Variants in PHACTR1 observed in about 807,000 individuals in gnomAD.
The protein encoded by PHACTR1 is RPEL repeat containing 1.
Under a neutral mutation model 69.2 loss-of-function variants are expected in PHACTR1, and 16 were observed. The ratio of observed to expected loss-of-function variants is 0.23; its 90% confidence interval spans 0.16 to 0.35. The LOEUF (loss-of-function observed/expected upper bound fraction) is 0.35. PHACTR1 is among the 10% of genes least tolerant of loss of function. The pLI is 1.00. For synonymous variants in PHACTR1, 312 were observed against 284.5 expected (o/e 1.10, Z -0.97); for missense variants, 510 against 734.7 (o/e 0.69, Z 3.54).
chr6:13,278,341 T>C lies in PHACTR1; in HGVS notation c.1509+12T>C. 1 of 1,585,486 alleles carries C rather than the reference T, an allele frequency of 6.3e-7. No homozygotes were observed. Among genetic ancestry groups the C allele is most frequent in the Admixed American group, 1.8e-5 (1 of 55,450 alleles). ...GGCTAACCCGAAAGGTAGGTGGTTCTCCATGCCAAGAGCTGGGACAGGAGA... is the reference window on the plus strand; with the variant it reads ...GGCTAACCCGAAAGGTAGGTGGTTCCCCATGCCAAGAGCTGGGACAGGAGA... On this transcript the variant is annotated intron_variant, in intron 12 of 14. Coordinates refer to ENST00000332995, the MANE Select transcript of PHACTR1 (RefSeq NM_030948.6).
chr6:12,782,188 C>A (rs915758808), intron 4 of PHACTR1, among the ~76,000 whole-genome samples: 1 of 152,168 alleles, frequency 6.6e-6, no homozygotes, highest in African/African-American at 2.4e-5. Flanking sequence ...ATCAAGGCAT[C>A]TCATAGGTTT....
At chr6:12,907,417 T>G (rs930341931) in intron 4 of PHACTR1, among the ~76,000 whole-genome samples, 2 of 152,226 alleles carry the variant, frequency 1.3e-5, no homozygotes, top group Non-Finnish European at 2.9e-5. Flanking sequence ...TATGAATAGT[T>G]GCTAGTGTCT....
intron 4 of PHACTR1, among the ~76,000 whole-genome samples, chr6:12,795,048 T>C (rs1016513265): frequency 3.3e-5 from 5 of 152,306 alleles, no homozygotes; most frequent in Admixed American, 2.6e-4. Context: ...TCTGAGGATC[T>C]TGTTAAAATG....
At chr6:13,156,475 G>A (rs1254922998) in intron 5 of PHACTR1, among the ~76,000 whole-genome samples, 1 of 152,126 alleles carries the variant, frequency 6.6e-6, no homozygotes, top group Admixed American at 6.5e-5. Context: ...GCTTGGCATG[G>A]GCAACTTTGA....
chr6:12,802,885 G>C (rs1334103466), intron 4 of PHACTR1, among the ~76,000 whole-genome samples: 1 of 152,146 alleles, frequency 6.6e-6, no homozygotes, highest in Non-Finnish European at 1.5e-5. Flanking sequence ...CAAGTTTTGA[G>C]TTTGGTTTCC....
At chr6:12,910,862 C>G (rs996735314) in intron 4 of PHACTR1, among the ~76,000 whole-genome samples, 2 of 152,170 alleles carry the variant, frequency 1.3e-5, no homozygotes. Flanking sequence ...GCAAGTGAGT[C>G]TCTGGGAACC....
At chr6:12,984,330 T>C (rs1795871077) in intron 4 of PHACTR1, among the ~76,000 whole-genome samples, 1 of 152,130 alleles carries the variant, frequency 6.6e-6, no homozygotes, top group South Asian at 2.1e-4. Flanking sequence ...GTGGCCTTTT[T>C]TGTTGTTGTT....
chr6:12,818,855 C>T (rs1214446891), intron 4 of PHACTR1, among the ~76,000 whole-genome samples: 1 of 152,160 alleles, frequency 6.6e-6, no homozygotes, highest in South Asian at 2.1e-4. Context: ...AAGTCAGCTT[C>T]CTTTTTACTG....
At chr6:13,027,896 C>T (rs772387443) in intron 4 of PHACTR1, among the ~76,000 whole-genome samples, 1 of 152,154 alleles carries the variant, frequency 6.6e-6, no homozygotes, top group Non-Finnish European at 1.5e-5. Flanking sequence ...AGGCTGGTCT[C>T]GAACTCCTGA....
At chr6:12,950,308 C>G (rs1467512854) in intron 4 of PHACTR1, among the ~76,000 whole-genome samples, 1 of 152,204 alleles carries the variant, frequency 6.6e-6, no homozygotes, top group Non-Finnish European at 1.5e-5. Flanking sequence ...AAGCAAGGAT[C>G]CCAACTAATT....
intron 4 of PHACTR1, among the ~76,000 whole-genome samples, chr6:13,010,777 C>A (rs541479743): frequency 6.6e-6 from 1 of 151,188 alleles, no homozygotes; most frequent in Non-Finnish European, 1.5e-5. Flanking sequence ...TGACACTGAG[C>A]GTGATCACAG....
At chr6:13,174,631 T>C (rs1454198271) in intron 6 of PHACTR1, among the ~76,000 whole-genome samples, 1 of 152,216 alleles carries the variant, frequency 6.6e-6, no homozygotes, top group Non-Finnish European at 1.5e-5. Flanking sequence ...CTACATGTCT[T>C]ATTTATAAAG....
intron 4 of PHACTR1, among the ~76,000 whole-genome samples, chr6:12,947,422 A>G (rs1790808975): frequency 6.6e-6 from 1 of 151,808 alleles, no homozygotes; most frequent in African/African-American, 2.4e-5. Context: ...GGTTTACTGC[A>G]GAGGGTTCAA....
At chr6:13,191,720 G>A (rs1763625777) in intron 7 of PHACTR1, among the ~76,000 whole-genome samples, 1 of 152,114 alleles carries the variant, frequency 6.6e-6, no homozygotes, top group Non-Finnish European at 1.5e-5. Flanking sequence ...CTGAGAATTG[G>A]TCAGCCCCAG....
At chr6:13,202,504 CAG>C (rs1246424071) in intron 7 of PHACTR1, among the ~76,000 whole-genome samples, 3 of 128,906 alleles carry the variant, frequency 2.3e-5, no homozygotes, top group Admixed American at 8.6e-5. Flanking sequence ...TTTTTTGAGA[CAG>C]AGTTTCACTC....
chr6:13,184,755 C>T (rs1371332982), intron 7 of PHACTR1: 43 of 1,345,346 alleles, frequency 3.2e-5, no homozygotes, highest in Non-Finnish European at 4.1e-5. Context: ...GCCTGCACTG[C>T]GTTTGTGTAA....
intron 4 of PHACTR1, among the ~76,000 whole-genome samples, chr6:12,756,321 A>C (rs1767317110): frequency 6.6e-6 from 1 of 152,188 alleles, no homozygotes; most frequent in Non-Finnish European, 1.5e-5. Flanking sequence ...GTATGGTACA[A>C]GAGAAACTCT....
At chr6:13,069,515 C>G (rs1393365055) in intron 5 of PHACTR1, among the ~76,000 whole-genome samples, 1 of 152,122 alleles carries the variant, frequency 6.6e-6, no homozygotes, top group East Asian at 1.9e-4. Context: ...GGAGTCATGC[C>G]TGACTCTCCT....
chr6:12,821,297 A>G (rs1365884993), intron 4 of PHACTR1, among the ~76,000 whole-genome samples: 1 of 152,104 alleles, frequency 6.6e-6, no homozygotes, highest in African/African-American at 2.4e-5. Flanking sequence ...CCCCGTCTCT[A>G]CTAAAAAATA....
Sources: gnomAD v4.1 joint callset for allele counts (sites outside exome capture counted in the v4.1 genomes callset) on GRCh38, gnomAD v4.1.1 for gene constraint, MANE v1.5 for transcripts, NCBI Gene and HGNC (gene_info 2026-07-23, HGNC 2026-07-21) for gene names.